The following PRRC2A variants were observed in gnomAD, a reference collection of about 807,000 sequenced individuals.
PRRC2A encodes proline rich coiled-coil 2A, also known as protein PRRC2A.
PRRC2A carries 59 observed loss-of-function variants against 224.6 expected under a neutral mutation model. That is an observed-to-expected ratio of 0.26 (90% CI 0.21 to 0.33). The LOEUF (loss-of-function observed/expected upper bound fraction) is 0.33. Ranked by LOEUF, PRRC2A falls within the 10% of genes least tolerant of loss-of-function variation. PRRC2A has a pLI of 1.00. For synonymous variants in PRRC2A, 1,194 were observed against 1,109.5 expected (o/e 1.08, Z -1.51); for missense variants, 3,095 against 2,880.7 (o/e 1.07, Z -1.70).
rs762670016 is a variant in PRRC2A at position 31,636,851 on chromosome 6, C to T, written c.6053C>T (p.Pro2018Leu). The change falls in exon 28 of 31, where the codon CCC becomes CTC. Residue 2018 changes from proline to leucine, a missense_variant. By Grantham distance (98) the Pro-to-Leu change is moderately conservative. Coordinates refer to ENST00000376033, the MANE Select transcript of PRRC2A (RefSeq NM_004638.4). The surrounding 1 kb of genome is among the most constrained non-coding windows in gnomAD (Gnocchi z 4.3). ...TTACCTGTGGGCCCTGCTCTGCAGCCCCCCAGCCTGGCTGTGCGGCCCCCA... is the reference window on the plus strand; with the variant it reads ...TTACCTGTGGGCCCTGCTCTGCAGCTCCCCAGCCTGGCTGTGCGGCCCCCA... ...SLLPVGPALQPPSLAVRPPPA... is the reference protein window; with the variant it reads ...SLLPVGPALQLPSLAVRPPPA... The T allele has an allele frequency of 1.9e-6, 3 of 1,612,612 alleles. No homozygotes were observed. In the South Asian group the frequency reaches 3.3e-5, roughly 18 times the overall value.
rs377155981 is a variant in PRRC2A at position 31,631,273 on chromosome 6, C to T, written c.2600C>T (p.Pro867Leu). 1 of 1,612,298 alleles carries T rather than the reference C, an allele frequency of 6.2e-7. No homozygotes were observed. The highest frequency in any genetic ancestry group is 8.5e-7 in the Non-Finnish European group (1 of 1,179,826). The change falls in exon 16 of 31, where the codon CCC becomes CTC. Residue 867 changes from proline to leucine, a missense_variant. By Grantham distance (98) the Pro-to-Leu change is moderately conservative. Around this residue, in one of 8 missense-constraint regions of PRRC2A, gnomAD observed 2,001 missense variants for 1,764.9 expected, o/e 1.13. Coordinates refer to ENST00000376033, the MANE Select transcript of PRRC2A (RefSeq NM_004638.4). The surrounding 1 kb of genome is among the most constrained non-coding windows in gnomAD (Gnocchi z 4.5). ...CCAGGGCCCCGTCCACTCCCCTGGC[C>T]CCCAGGCAGTGATGAAGTGGCCAAG... Reference protein sequence around the residue: ...EEPGPRPLPWPPGSDEVAKIQ... With the variant: ...EEPGPRPLPWLPGSDEVAKIQ...
Position 31,632,076 on chromosome 6 carries a change from G to T in PRRC2A, c.3403G>T (p.Val1135Phe), listed in dbSNP as rs930423027. 2 of 1,558,328 alleles carry T rather than the reference G, an allele frequency of 1.3e-6. No homozygotes were observed. Among genetic ancestry groups the T allele is most frequent in the East Asian group, 4.5e-5 (2 of 44,316 alleles). Residue 1135 changes from valine (V) to phenylalanine (F), a missense_variant, in exon 16 of 31, where the codon GTC becomes TTC. Coordinates refer to ENST00000376033, the MANE Select transcript of PRRC2A (RefSeq NM_004638.4). ...PTPKEGTLTQ[V>F]PLAPPPPGAP... ...ACCCAAGGAGGGAACACTCACCCAG[G>T]TCCCTCTCGCTCCCCCACCACCAGG... is the stretch of plus-strand genomic sequence containing the variant.
At chr6:31,635,927 C>A in intron 24 of PRRC2A, 40 bp from the exon 25 acceptor site, 1 of 1,532,692 alleles carries the variant, frequency 6.5e-7, no homozygotes, top group Non-Finnish European at 8.9e-7. Flanking sequence ...TTCTTGACCA[C>A]AGATACTAAA....
At position 31,625,993 on chromosome 6, in the gene PRRC2A, A is replaced by G. The variant is rs1248381360; in HGVS notation, c.840-27A>G. On this transcript the variant is annotated intron_variant, in intron 8 of 30. Coordinates refer to ENST00000376033, the MANE Select transcript of PRRC2A (RefSeq NM_004638.4). The surrounding 1 kb of genome is among the most constrained non-coding windows in gnomAD (Gnocchi z 4.1). ...CTCGCATGTGGTTATACAACATGCC[A>G]TATTTCATTTTCTTTTTTGTGTACA... 5.6e-6 allele frequency: 9 copies of G among 1,609,742 alleles called. No homozygotes were observed. The highest frequency in any genetic ancestry group is 1.1e-5 in the South Asian group (1 of 90,714).
intron 9 of PRRC2A, 104 bp downstream of exon 9, chr6:31,626,266 A>G: frequency 2.2e-6 from 3 of 1,356,450 alleles, no homozygotes; most frequent in East Asian, 2.4e-5. Flanking sequence ...ATTGAAGTGT[A>G]GGAAGACCAG....
At position 31,627,865 on chromosome 6, in the gene PRRC2A, T is replaced by C; in HGVS notation, c.1391T>C (p.Val464Ala). The C allele has an allele frequency of 6.2e-7, 1 of 1,612,924 alleles. No individual in the cohort carries two copies. The highest frequency in any genetic ancestry group is 2.2e-5 in the East Asian group (1 of 44,882). ...KQSSSEISLA[V>A]ERARRRREEE... ...TCGTCATCTGAGATTTCCCTGGCAG[T>C]GGAGCGGGCCCGGCGACGGCGAGAA... The change falls in exon 12 of 31, where the codon GTG becomes GCG. Residue 464 changes from valine to alanine, a missense_variant. By Grantham distance (64) the Val-to-Ala change is moderately conservative. Transcript: ENST00000376033. This position sits in a 1 kb window ranked among gnomAD's most constrained non-coding sequence, Gnocchi z 5.6.
At chr6:31,630,930 C>A in intron 15 of PRRC2A, 129 bp downstream of exon 15, 2 of 1,312,124 alleles carry the variant, frequency 1.5e-6, no homozygotes, top group Non-Finnish European at 1.0e-6. Context: ...GTGGCTCATG[C>A]CTGTAATCCC....
Position 31,631,133 on chromosome 6 carries a change from C to A in PRRC2A, c.2466-6C>A. ...TTATTTCCATTCTTTCTGTCTGTCT[C>A]TTCAGGAGCGAGACTCCTCCAGTAC... is the stretch of plus-strand genomic sequence containing the variant. On this transcript the variant is annotated splice_polypyrimidine_tract_variant and splice_region_variant and intron_variant, in intron 15 of 30. Transcript: ENST00000376033. This position sits in a 1 kb window ranked among gnomAD's most constrained non-coding sequence, Gnocchi z 4.5. The A allele has an allele frequency of 2.7e-6, 4 of 1,491,110 alleles. No homozygotes were observed. Among genetic ancestry groups the A allele is most frequent in the Non-Finnish European group, 3.6e-6 (4 of 1,108,996 alleles). The allele number at this position is 1,491,110 out of a possible 1,614,324, so 92.4% of individuals were successfully genotyped here. A position where few individuals can be genotyped will look rare whatever the true frequency, so the allele number is the denominator to read the frequency against.
chr6:31,621,768 G>T (rs939925318), intron 1 of PRRC2A, among the ~76,000 whole-genome samples: 3 of 152,018 alleles, frequency 2.0e-5, no homozygotes, highest in East Asian at 1.9e-4. Flanking sequence ...CACTGTTCCC[G>T]TCCATAAACG....
chr6:31,633,285 A>C, intron 16 of PRRC2A, 94 bp from the exon 17 acceptor site: 2 of 1,511,750 alleles, frequency 1.3e-6, no homozygotes, highest in Non-Finnish European at 1.8e-6. Flanking sequence ...TTAATAGGGA[A>C]GAGAATAGGT....
At chr6:31,623,259 A>ATT (rs3993756) in intron 2 of PRRC2A, 11,135 of 319,338 alleles carry the variant, frequency 0.035, 479 homozygotes, top group African/African-American at 0.12. Flanking sequence ...GATTTCATAG[A>ATT]TTTTTTTTTT....
At chr6:31,635,066 T>G (rs1346029299) in intron 21 of PRRC2A, 66 bp from the exon 22 acceptor site, 1 of 1,601,972 alleles carries the variant, frequency 6.2e-7, no homozygotes, top group Non-Finnish European at 8.5e-7. Flanking sequence ...GCGTGTGTGT[T>G]CTGGGCATTC....
rs113101460 is a variant in PRRC2A, at chr6:31,628,058, C to T, written c.1584C>T (p.Leu528=). The T allele has an allele frequency of 6.8e-4, 1,093 of 1,612,806 alleles. 7 individuals carry two copies. Among genetic ancestry groups the T allele is most frequent in the Middle Eastern group, 4.5e-3 (27 of 6,062 alleles). ...PAPPPAVPKE[L]PAPPAPPPAS... is the part of the protein sequence containing the mutation. ...CACCACCTGCAGTCCCTAAAGAACT[C>T]CCTGCACCTCCAGCTCCACCTCCAG... The change falls in exon 12 of 31, where the codon CTC becomes CTT. Residue 528 remains leucine (L), a synonymous_variant. Coordinates refer to ENST00000376033, the MANE Select transcript of PRRC2A (RefSeq NM_004638.4).
At position 31,626,011 on chromosome 6, in the gene PRRC2A, T is replaced by C; in HGVS notation, c.840-9T>C. The C allele has an allele frequency of 1.9e-6, 3 of 1,610,856 alleles. No individual in the cohort carries two copies. The highest frequency in any genetic ancestry group is 2.5e-6 in the Non-Finnish European group (3 of 1,179,096). ...ACATGCCATATTTCATTTTCTTTTT[T>C]GTGTACAGCCGTTTTCCCCGTGTGG... On this transcript the variant is annotated splice_polypyrimidine_tract_variant and intron_variant, in intron 8 of 30. Coordinates refer to ENST00000376033, the MANE Select transcript of PRRC2A (RefSeq NM_004638.4).
In PRRC2A at chr6:31,625,480, G is replaced by C; in HGVS notation, c.628G>C (p.Gly210Arg). The C allele has an allele frequency of 6.3e-7, 1 of 1,591,444 alleles. No homozygotes were observed. Residue 210 changes from glycine to arginine, a missense_variant, in exon 7 of 31, where the codon GGA (glycine) becomes CGA (arginine). Coordinates refer to ENST00000376033, the MANE Select transcript of PRRC2A (RefSeq NM_004638.4). The surrounding 1 kb of genome is among the most constrained non-coding windows in gnomAD (Gnocchi z 4.1). ...TACAGATTCTACAACTTGGAGGGAC[G>C]GAGGTGGGCGTGGCCCTGATGAGCT... is the stretch of plus-strand genomic sequence containing the variant. ...RPQNSTTWRD[G>R]GGRGPDELEG...
chr6:31,625,087 C>T lies in PRRC2A; in HGVS notation c.464-84C>T, dbSNP rs764307382. 12 of 1,492,194 alleles carry T rather than the reference C, an allele frequency of 8.0e-6. No individual in the cohort carries two copies. Among genetic ancestry groups the T allele is most frequent in the Non-Finnish European group, 1.0e-5 (11 of 1,094,708 alleles). 92.4% of individuals were successfully genotyped at this position (1,492,194 alleles called of 1,614,324 possible). A position where few individuals can be genotyped will look rare whatever the true frequency, so the allele number is the denominator to read the frequency against. On this transcript the variant is annotated intron_variant, in intron 5 of 30. Transcript: ENST00000376033. The surrounding 1 kb of genome is among the most constrained non-coding windows in gnomAD (Gnocchi z 4.1). Reference sequence around the variant, plus strand: ...TGCTGGGATTACAGGCGTGAGCCACCGCGCCCAGCCAGAGTCTTCCACTTT... The same window carrying T: ...TGCTGGGATTACAGGCGTGAGCCACTGCGCCCAGCCAGAGTCTTCCACTTT...
At chr6:31,624,002 C>A in intron 3 of PRRC2A, 93 bp downstream of exon 3, 1 of 1,446,958 alleles carries the variant, frequency 6.9e-7, no homozygotes, top group Non-Finnish European at 9.4e-7. Context: ...CACGTCTGAG[C>A]CAGAGACGAA....
At chr6:31,624,701 T>C (rs1775696231) in intron 5 of PRRC2A, among the ~76,000 whole-genome samples, 179 bp downstream of exon 5, 2 of 152,206 alleles carry the variant, frequency 1.3e-5, no homozygotes, top group Admixed American at 1.3e-4. Context: ...TGGAGTGTAG[T>C]GGTGCCAGAA....
rs777506331 is a variant in PRRC2A, at chr6:31,637,511, A to G, written c.6399A>G (p.Arg2133=). ...KPWERTGPPP[R]EGPSRRAEEP... ...GGGAGCGGACAGGGCCGCCACCTCG[A>G]GAAGGGCCCTCCCGACGGGCAGAGG... Residue 2133 remains arginine (R), a synonymous_variant, in exon 31 of 31, where the codon CGA becomes CGG. Transcript: ENST00000376033. 6.9e-5 allele frequency: 109 copies of G among 1,579,750 alleles called. No individual in the cohort carries two copies. The highest frequency in any genetic ancestry group is 2.0e-4 in the Admixed American group (11 of 54,348).
Sources: allele counts gnomAD v4.1 joint callset (sites outside exome capture counted in the v4.1 genomes callset), GRCh38; gene constraint gnomAD v4.1.1; regional missense constraint gnomAD v4.1.1; non-coding constraint Gnocchi (gnomAD v3.1); transcripts MANE v1.5; gene names NCBI Gene and HGNC (gene_info 2026-07-23, HGNC 2026-07-21).